Variants in WTIP observed in about 807,000 individuals in gnomAD.
WTIP encodes Wilms tumor protein 1-interacting protein.
WTIP carries 23 observed loss-of-function variants against 41.7 expected under a neutral mutation model. That is an observed-to-expected ratio of 0.55 (90% CI 0.40 to 0.78). The LOEUF (loss-of-function observed/expected upper bound fraction) is 0.78. WTIP is among the 30% of genes least tolerant of loss of function. The pLI is 0.00. For missense variants in WTIP, 619 were observed against 610.5 expected (o/e 1.01, Z -0.15); for synonymous variants, 314 against 269.9 (o/e 1.16, Z -1.60).
At chr19:34,486,886 A>C (rs2075800647) in intron 1 of WTIP, among the ~76,000 whole-genome samples, 1 of 150,580 alleles carries the variant, frequency 6.6e-6, no homozygotes, top group African/African-American at 2.4e-5. Context: ...CACCTCCTGC[A>C]CCTTCAGTTC....
intron 6 of WTIP, 109 bp downstream of exon 6, chr19:34,494,746 G>T: frequency 9.0e-7 from 1 of 1,114,300 alleles, no homozygotes; most frequent in African/African-American, 1.6e-5. Flanking sequence ...GGATGAGCAG[G>T]TGCTTCTCCG....
chr19:34,496,164 A>C (rs2075852291), intron 7 of WTIP, among the ~76,000 whole-genome samples: 1 of 152,204 alleles, frequency 6.6e-6, no homozygotes, highest in Non-Finnish European at 1.5e-5. Context: ...TCTCAAAAAA[A>C]ATTTTTTTTT....
intron 6 of WTIP, among the ~76,000 whole-genome samples, chr19:34,495,363 C>T (rs2075847368): frequency 6.6e-6 from 1 of 151,950 alleles, no homozygotes; most frequent in Non-Finnish European, 1.5e-5. Context: ...CACCACTGCA[C>T]TCCAGCATGG....
In WTIP at chr19:34,503,029, C is replaced by T. The variant is rs1200204739; in HGVS notation, c.*2760C>T. The T allele has an allele frequency of 6.6e-6, 1 of 152,344 alleles. No homozygotes were observed. The highest frequency in any genetic ancestry group is 1.5e-5 in the Non-Finnish European group (1 of 68,144). 9.4% of individuals were successfully genotyped at this position (152,344 alleles called of 1,614,324 possible). On this transcript the variant is annotated 3_prime_UTR_variant, in exon 8 of 8. Transcript: ENST00000590071. ...CCCTGTGCTTATATCCATGGGGTTG[C>T]TTCACTGAACCCTGCTCCATCCCGG...
At chr19:34,485,959 T>C (rs1226853703) in intron 1 of WTIP, among the ~76,000 whole-genome samples, 1 of 152,116 alleles carries the variant, frequency 6.6e-6, no homozygotes, top group Non-Finnish European at 1.5e-5. Flanking sequence ...CCAGCTGACC[T>C]CTTGGTTGCT....
At chr19:34,494,061 G>T (rs1233154628) in intron 5 of WTIP, among the ~76,000 whole-genome samples, 1 of 152,148 alleles carries the variant, frequency 6.6e-6, no homozygotes. Context: ...CTGGTTCTGA[G>T]CAGGGCCTTC....
rs1599949078 is a variant in WTIP at position 34,482,142 on chromosome 19, C to T, written c.168C>T (p.Ser56=). The change falls in exon 1 of 8, where the codon AGC becomes AGT. Residue 56 remains serine, a synonymous_variant. Transcript: ENST00000590071. ...APALGRRGKG[S]GGPEAGADGL... is the part of the protein sequence containing the mutation. ...CGCTGGGCCGCAGAGGGAAGGGCAG[C>T]GGCGGCCCCGAGGCCGGGGCGGACG... The T allele has an allele frequency of 4.7e-6, 5 of 1,059,790 alleles. No individual in the cohort carries two copies. Among genetic ancestry groups the T allele is most frequent in the East Asian group, 7.3e-5 (1 of 13,710 alleles). 65.6% of individuals were successfully genotyped at this position (1,059,790 alleles called of 1,614,324 possible).
At chr19:34,490,328 A>G (rs1266100595) in intron 1 of WTIP, 48 bp from the exon 2 acceptor site, 7 of 1,584,212 alleles carry the variant, frequency 4.4e-6, no homozygotes, top group Admixed American at 3.3e-5. Flanking sequence ...TCGGTGTGGC[A>G]TAGGCTGTGG....
At chr19:34,497,961 T>C (rs2075863859) in intron 7 of WTIP, among the ~76,000 whole-genome samples, 1 of 152,062 alleles carries the variant, frequency 6.6e-6, no homozygotes, top group Non-Finnish European at 1.5e-5. Context: ...CGGCTGGTGG[T>C]GGTGCTGTGC....
intron 1 of WTIP, among the ~76,000 whole-genome samples, chr19:34,487,250 C>T (rs1033028569): frequency 6.6e-6 from 1 of 151,784 alleles, no homozygotes; most frequent in Non-Finnish European, 1.5e-5. Flanking sequence ...GATTAGTGTC[C>T]ACCACCACGC....
At chr19:34,489,890 C>T (rs1336173854) in intron 1 of WTIP, among the ~76,000 whole-genome samples, 3 of 152,156 alleles carry the variant, frequency 2.0e-5, no homozygotes, top group Non-Finnish European at 2.9e-5. Flanking sequence ...GCTGTGATTG[C>T]ACCACTGCAC....
chr19:34,482,579 T>G lies in WTIP; in HGVS notation c.605T>G (p.Leu202Arg). The change falls in exon 1 of 8, where the codon CTG becomes CGG. Residue 202 changes from leucine to arginine, a missense_variant. This residue lies in a region of WTIP where 363 missense variants were observed against 309.0 expected (regional missense o/e 1.17). Coordinates refer to ENST00000590071, the MANE Select transcript of WTIP (RefSeq NM_001080436.2). ...GGCCCAAGCGCGGCCGAGCGGCGGC[T>G]GGAGGCGCTCACCCGGGAGCTGGAG... ...EGGPSAAERR[L>R]EALTRELERA... 8.1e-7 allele frequency: 1 copy of G among 1,230,264 alleles called. No homozygotes were observed. The highest frequency in any genetic ancestry group is 1.0e-6 in the Non-Finnish European group (1 of 987,550). 76.2% of individuals were successfully genotyped at this position (1,230,264 alleles called of 1,614,324 possible).
rs2075788424 is a variant in WTIP, at chr19:34,484,661, G to A, written c.667+2020G>A. On this transcript the variant is annotated intron_variant, in intron 1 of 7. Coordinates refer to ENST00000590071, the MANE Select transcript of WTIP (RefSeq NM_001080436.2). The stretch of plus-strand genomic sequence containing the variant: ...ACTGCAGAGCCCGGGGGAGGGGGGT[G>A]TTCTGTAGACACCCCTGAATCTTTA... Among the ~76,000 whole-genome samples the A allele has an allele frequency of 3.3e-5, 5 of 152,252 alleles. No individual in the cohort carries two copies. The South Asian group carries it at 1.0e-3, about 32-fold the overall frequency.
chr19:34,489,735 C>A (rs1209977105), intron 1 of WTIP, among the ~76,000 whole-genome samples: 4 of 152,072 alleles, frequency 2.6e-5, no homozygotes, highest in Non-Finnish European at 5.9e-5. Context: ...TTGAGCCCAC[C>A]CTGGGCAACT....
rs763164623 is a variant in WTIP at position 34,500,314 on chromosome 19, A to AG, written c.*48dup. 4 of 1,519,564 alleles carry AG rather than the reference A, an allele frequency of 2.6e-6. No individual in the cohort carries two copies. In the South Asian group the frequency reaches 5.1e-5, roughly 19 times the overall value. The allele number at this position is 1,519,564 out of a possible 1,614,324, so 94.1% of individuals were successfully genotyped here. ...TGGGCCGGGGTGGGTGTGGGTGTGG[A>AG]GGGAGGGCCCGCGTGGGTGGCCCTG... On this transcript the variant is annotated 3_prime_UTR_variant, in exon 8 of 8. Coordinates refer to ENST00000590071, the MANE Select transcript of WTIP (RefSeq NM_001080436.2).
At chr19:34,482,919 A>G (rs1415629406) in intron 1 of WTIP, among the ~76,000 whole-genome samples, 2 of 150,504 alleles carry the variant, frequency 1.3e-5, no homozygotes, top group African/African-American at 2.5e-5. Context: ...TGCGGTTCCT[A>G]ACTTAACAGG....
At chr19:34,488,162 G>A (rs965052021) in intron 1 of WTIP, among the ~76,000 whole-genome samples, 1 of 150,042 alleles carries the variant, frequency 6.7e-6, no homozygotes, top group East Asian at 2.0e-4. Context: ...TGCAACCTCC[G>A]CCCCCCAGGT....
Position 34,482,301 on chromosome 19 carries a change from C to A in WTIP, c.327C>A (p.Gly109=). The change falls in exon 1 of 8, where the codon GGC becomes GGA. Residue 109 remains glycine (G), a synonymous_variant. Transcript: ENST00000590071. ...GGGGGSARSS[G]ISLGYDQRHG... ...GTGGCGGCAGCGCCCGATCCAGCGG[C>A]ATCAGCCTGGGCTACGACCAGCGCC... 7.3e-7 allele frequency: 1 copy of A among 1,366,574 alleles called. No homozygotes were observed. Among genetic ancestry groups the A allele is most frequent in the Non-Finnish European group, 9.5e-7 (1 of 1,051,938 alleles). 84.7% of individuals were successfully genotyped at this position (1,366,574 alleles called of 1,614,324 possible).
chr19:34,500,663 C>T lies in WTIP; in HGVS notation c.*394C>T, dbSNP rs2145612245. On this transcript the variant is annotated 3_prime_UTR_variant, in exon 8 of 8. Transcript: ENST00000590071. ...TGGCCCCCGCCCTCCCCCCCGACCCCGACCTCGCAAAGCGCACTCCCGGGC... is the reference window on the plus strand; with the variant it reads ...TGGCCCCCGCCCTCCCCCCCGACCCTGACCTCGCAAAGCGCACTCCCGGGC... 1 of 179,944 alleles carries T rather than the reference C, an allele frequency of 5.6e-6. No homozygotes were observed. The highest frequency in any genetic ancestry group is 2.3e-5 in the African/African-American group (1 of 42,832). 11.1% of individuals were successfully genotyped at this position (179,944 alleles called of 1,614,324 possible).
Sources: allele counts gnomAD v4.1 joint callset (sites outside exome capture counted in the v4.1 genomes callset), GRCh38; gene constraint gnomAD v4.1.1; regional missense constraint gnomAD v4.1.1; transcripts MANE v1.5; gene names NCBI Gene and HGNC (gene_info 2026-07-23, HGNC 2026-07-21).